Variants in TINAG observed in about 807,000 individuals in gnomAD.
The protein encoded by TINAG is tubulointerstitial nephritis antigen.
Under a neutral mutation model 72.7 loss-of-function variants are expected in TINAG, and 83 were observed. That is an observed-to-expected ratio of 1.14 (90% CI 0.96 to 1.37). The LOEUF is 1.37. Ranked by LOEUF, TINAG falls within the 40% of genes most tolerant of loss-of-function variation. The probability of loss-of-function intolerance (pLI) is 0.00; values close to 1 mark genes in which losing one functional copy is unlikely to be tolerated. For synonymous variants in TINAG, 234 were observed against 189.9 expected (o/e 1.23, Z -1.91); for missense variants, 685 against 576.6 (o/e 1.19, Z -1.93).
intron 4 of TINAG, among the ~76,000 whole-genome samples, chr6:54,328,065 C>T (rs1015996525): frequency 2.6e-5 from 4 of 152,138 alleles, no homozygotes; most frequent in Non-Finnish European, 4.4e-5. Context: ...ATTTTCCTGT[C>T]TGCCAGATCT....
At chr6:54,323,118 A>G (rs906161142) in intron 3 of TINAG, among the ~76,000 whole-genome samples, 10 of 152,204 alleles carry the variant, frequency 6.6e-5, no homozygotes, top group African/African-American at 2.4e-4. Flanking sequence ...TCTTTCCATG[A>G]TTTATTTATT....
chr6:54,316,368 T>C (rs1266214570), intron 1 of TINAG, among the ~76,000 whole-genome samples: 1 of 152,168 alleles, frequency 6.6e-6, no homozygotes, highest in Non-Finnish European at 1.5e-5. Flanking sequence ...TGGGAGCCAA[T>C]TATTTATCAC....
chr6:54,378,241 A>G (rs1321006960), intron 9 of TINAG, among the ~76,000 whole-genome samples: 1 of 152,078 alleles, frequency 6.6e-6, no homozygotes, highest in Non-Finnish European at 1.5e-5. Flanking sequence ...TAATTTTTTT[A>G]TACCAGCACC....
rs1784696466 is a variant in TINAG at position 54,329,882 on chromosome 6, T to C, written c.624+2966T>C. On this transcript the variant is annotated intron_variant, in intron 4 of 10. Coordinates refer to ENST00000259782, the MANE Select transcript of TINAG (RefSeq NM_014464.4). ...AGATCAAAAAAGACCAAGAAGGGCA[T>C]TACATAATGGTAAGGGGATCAAGGC... 2.0e-5 allele frequency among the ~76,000 whole-genome samples: 3 copies of C among 151,890 alleles called. No homozygotes were observed. The South Asian group carries it at 6.2e-4, about 32-fold the overall frequency.
chr6:54,325,470 A>G lies in TINAG; in HGVS notation c.510-1332A>G, dbSNP rs79712656. On this transcript the variant is annotated intron_variant, in intron 3 of 10. Transcript: ENST00000259782. ...CTTTTTGAGCATATCTCACAGTAGA[A>G]CATACATTTTACTTTGTGATCTAGT... Among the ~76,000 whole-genome samples, 459 of 152,294 alleles carry G rather than the reference A, an allele frequency of 3.0e-3. 2 individuals carry two copies. The highest frequency in any genetic ancestry group is 0.011 in the African/African-American group (438 of 41,576).
chr6:54,331,756 C>G (rs1403053425), intron 4 of TINAG, among the ~76,000 whole-genome samples: 1 of 144,978 alleles, frequency 6.9e-6, no homozygotes, highest in Non-Finnish European at 1.5e-5. Flanking sequence ...GCAACTTCAG[C>G]AAAGTCTTAG....
In TINAG at chr6:54,347,440, C is replaced by T. The variant is rs150585516; in HGVS notation, c.822C>T (p.Ile274=). 2.8e-4 allele frequency: 457 copies of T among 1,613,338 alleles called. 3 individuals are homozygous for T. In the African/African-American group the frequency reaches 5.0e-3, roughly 18 times the overall value. ...YTANLSPQNL[I]SCCAKNRHGC... ...CCAATCTATCCCCTCAGAATTTGAT[C>T]TCTTGCTGTGCCAAGAACCGTCATG... The change falls in exon 6 of 11, where the codon ATC becomes ATT. Residue 274 remains isoleucine (I), a synonymous_variant. Coordinates refer to ENST00000259782, the MANE Select transcript of TINAG (RefSeq NM_014464.4).
chr6:54,338,554 T>A (rs527445719), intron 4 of TINAG, among the ~76,000 whole-genome samples: 1 of 151,972 alleles, frequency 6.6e-6, no homozygotes, highest in Admixed American at 6.6e-5. Flanking sequence ...ACCCCGTTTG[T>A]ACTAAAAATA....
intron 4 of TINAG, among the ~76,000 whole-genome samples, chr6:54,341,662 G>A (rs1784997982): frequency 6.6e-6 from 1 of 152,098 alleles, no homozygotes; most frequent in Non-Finnish European, 1.5e-5. Context: ...AAGCTATTAT[G>A]TACTTATCAG....
chr6:54,321,205 G>A (rs1462760870), intron 2 of TINAG, 92 bp from the exon 3 acceptor site: 2 of 955,142 alleles, frequency 2.1e-6, no homozygotes, highest in East Asian at 4.9e-5. Flanking sequence ...AAGAAATTAT[G>A]TTTTATGCCT....
chr6:54,377,444 G>A (rs1282026781), intron 9 of TINAG, among the ~76,000 whole-genome samples: 1 of 151,950 alleles, frequency 6.6e-6, no homozygotes, highest in African/African-American at 2.4e-5. Context: ...CCTGGGAGGC[G>A]GAGTTTGCTA....
chr6:54,331,498 A>G (rs1784740717), intron 4 of TINAG, among the ~76,000 whole-genome samples: 1 of 152,216 alleles, frequency 6.6e-6, no homozygotes, highest in Non-Finnish European at 1.5e-5. Context: ...CACAGCCAAT[A>G]TCATACTGAA....
chr6:54,358,889 T>G (rs984510353), intron 9 of TINAG, among the ~76,000 whole-genome samples: 1 of 151,770 alleles, frequency 6.6e-6, no homozygotes, highest in Non-Finnish European at 1.5e-5. Flanking sequence ...CGCATTAGCT[T>G]GCAAATGGTC....
chr6:54,324,813 TC>T (rs2150939329), intron 3 of TINAG, among the ~76,000 whole-genome samples: 1 of 152,354 alleles, frequency 6.6e-6, no homozygotes, highest in African/African-American at 2.4e-5. Flanking sequence ...CTAATGCATT[TC>T]TTTATCAAGC....
chr6:54,373,356 A>G (rs1763687700), intron 9 of TINAG, among the ~76,000 whole-genome samples: 1 of 152,106 alleles, frequency 6.6e-6, no homozygotes, highest in Non-Finnish European at 1.5e-5. Flanking sequence ...TCAGATACGC[A>G]TTCATTTCCC....
chr6:54,338,178 G>T (rs749744241), intron 4 of TINAG, among the ~76,000 whole-genome samples: 2 of 152,118 alleles, frequency 1.3e-5, no homozygotes, highest in African/African-American at 2.4e-5. Flanking sequence ...TTCTGCACTA[G>T]TCACAGTCTG....
intron 5 of TINAG, among the ~76,000 whole-genome samples, chr6:54,345,820 A>C (rs931904704): frequency 6.6e-6 from 1 of 152,144 alleles, no homozygotes; most frequent in Admixed American, 6.6e-5. Flanking sequence ...AATATGCTGT[A>C]GTTACATTAA....
intron 1 of TINAG, among the ~76,000 whole-genome samples, chr6:54,318,306 T>C (rs1317071155): frequency 6.6e-6 from 1 of 152,180 alleles, no homozygotes; most frequent in African/African-American, 2.4e-5. Flanking sequence ...AAATCTAAAA[T>C]ATACACAGTA....
intron 1 of TINAG, among the ~76,000 whole-genome samples, chr6:54,311,007 C>A (rs1396893831): frequency 6.7e-6 from 1 of 150,244 alleles, no homozygotes. Flanking sequence ...CCTTTCTATT[C>A]CTTTCCTTTC....
Sources: allele counts gnomAD v4.1 joint callset (sites outside exome capture counted in the v4.1 genomes callset), GRCh38; gene constraint gnomAD v4.1.1; transcripts MANE v1.5; gene names NCBI Gene and HGNC (gene_info 2026-07-23, HGNC 2026-07-21).